The following ANKRD46 variants were observed in gnomAD, a reference collection of about 807,000 sequenced individuals.
ANKRD46 encodes the protein ankyrin repeat domain-containing protein 46.
ANKRD46 carries 13 observed loss-of-function variants against 19.8 expected under a neutral mutation model. That is an observed-to-expected ratio of 0.66 (90% CI 0.43 to 1.04). The LOEUF is 1.04. Ranked by LOEUF, ANKRD46 falls within the 50% of genes least tolerant of loss-of-function variation. ANKRD46 has a pLI of 0.00. For missense variants in ANKRD46, 185 were observed against 274.8 expected, an observed-to-expected ratio of 0.67 and a Z score of 2.31; for synonymous variants, 91 against 106.9, an observed-to-expected ratio of 0.85 and a Z score of 0.92.
At chr8:100,548,466 T>C (rs1812316456) in intron 1 of ANKRD46, among the ~76,000 whole-genome samples, 1 of 152,264 alleles carries the variant, frequency 6.6e-6, no homozygotes, top group Non-Finnish European at 1.5e-5. Flanking sequence ...CTGCTTATTT[T>C]GTTCGTGTTC....
At chr8:100,555,775 TA>T (rs1812487714) in intron 1 of ANKRD46, among the ~76,000 whole-genome samples, 1 of 121,936 alleles carries the variant, frequency 8.2e-6, no homozygotes, top group Admixed American at 9.4e-5. Context: ...TTTCCACATC[TA>T]AAGGACCTGT....
rs974764823 is a variant in ANKRD46, at chr8:100,510,808, G to A, written c.637-169C>T. 3.9e-5 allele frequency among the ~76,000 whole-genome samples: 6 copies of A among 152,118 alleles called. No individual in the cohort carries two copies. The highest frequency in any genetic ancestry group is 1.3e-4 in the Admixed American group (2 of 15,270). On this transcript the variant is annotated intron_variant, in intron 5 of 5. Transcript: ENST00000520552. This position sits in a 1 kb window ranked among gnomAD's most constrained non-coding sequence, Gnocchi z 4.9. Reference sequence around the variant, plus strand: ...CAACGCTCACAGGAAGGGTCCTGCCGCTTCACAACTGTCCTTGGCTTCCTA... The same window carrying A: ...CAACGCTCACAGGAAGGGTCCTGCCACTTCACAACTGTCCTTGGCTTCCTA...
At position 100,529,254 on chromosome 8, in the gene ANKRD46, T is replaced by C. The variant is rs1343956242; in HGVS notation, c.311+269A>G. On this transcript the variant is annotated intron_variant, in intron 3 of 4. Coordinates refer to ENST00000335659, the MANE Select transcript of ANKRD46 (RefSeq NM_001270377.2). This position sits in a 1 kb window ranked among gnomAD's most constrained non-coding sequence, Gnocchi z 5.8. ...CATAGATTTTCAACAAATGTTCTTTTCTTCTTCTTCCCTTGTTGTAACACT... is the reference window on the plus strand; with the variant it reads ...CATAGATTTTCAACAAATGTTCTTTCCTTCTTCTTCCCTTGTTGTAACACT... 6.6e-6 allele frequency among the ~76,000 whole-genome samples: 1 copy of C among 152,258 alleles called. No homozygotes were observed. Among genetic ancestry groups the C allele is most frequent in the Non-Finnish European group, 1.5e-5 (1 of 68,044 alleles).
In ANKRD46 at chr8:100,510,565, C is replaced by G; in HGVS notation, c.*12G>C. 4 of 1,534,716 alleles carry G rather than the reference C, an allele frequency of 2.6e-6. No homozygotes were observed. The highest frequency in any genetic ancestry group is 3.5e-6 in the Non-Finnish European group (4 of 1,146,162). The stretch of plus-strand genomic sequence containing the variant: ...TTCTGAGGCTCAGGAGCACAGGACA[C>G]TGACCTAGAGATTAGATGGCCTGGA... On this transcript the variant is annotated 3_prime_UTR_variant, in exon 6 of 6. Coordinates refer to the ANKRD46 transcript ENST00000520552. The surrounding 1 kb of genome is among the most constrained non-coding windows in gnomAD (Gnocchi z 4.9).
In ANKRD46 at chr8:100,545,548, A is replaced by G. The variant is rs1438568461; in HGVS notation, c.-130-12237T>C. Among the ~76,000 whole-genome samples, 1 of 152,226 alleles carries G rather than the reference A, an allele frequency of 6.6e-6. No individual in the cohort carries two copies. The highest frequency in any genetic ancestry group is 2.4e-5 in the African/African-American group (1 of 41,454). ...TGTGTATCAATTAAACCTTTTGTTTATAAATTACCCAGCCTCAAGTAGTAA... is the reference window on the plus strand; with the variant it reads ...TGTGTATCAATTAAACCTTTTGTTTGTAAATTACCCAGCCTCAAGTAGTAA... On this transcript the variant is annotated intron_variant, in intron 1 of 4. Transcript: ENST00000335659. The surrounding 1 kb of genome is among the most constrained non-coding windows in gnomAD (Gnocchi z 4.7).
At chr8:100,515,868 G>GTTTTTT (rs1371274884), downstream of ANKRD46, among the ~76,000 whole-genome samples, 1 of 147,798 alleles carries the variant, frequency 6.8e-6, no homozygotes, top group Admixed American at 6.8e-5. Flanking sequence ...CCAGTAACTT[G>GTTTTTT]TTTTTGTTTT....
Position 100,532,097 on chromosome 8 carries a change from G to A in ANKRD46, c.-28+1112C>T, listed in dbSNP as rs76198344. ...GGCTGTTAAGAATAATTTCAAATAC[G>A]AAAAAAAGTTTATGATTAAAAACTA... is the stretch of plus-strand genomic sequence containing the variant. On this transcript the variant is annotated intron_variant, in intron 2 of 4. Transcript: ENST00000335659. The surrounding 1 kb of genome is among the most constrained non-coding windows in gnomAD (Gnocchi z 4.7). 0.013 allele frequency among the ~76,000 whole-genome samples: 1,957 copies of A among 151,966 alleles called. 48 individuals are homozygous for A. Among genetic ancestry groups the A allele is most frequent in the African/African-American group, 0.045 (1,861 of 41,470 alleles).
rs530827654 is a variant in ANKRD46 at position 100,545,056 on chromosome 8, G to A, written c.-130-11745C>T. Reference sequence around the variant, plus strand: ...CAGCACTCCAGAGGCTGGGTGTGCTGACTCATGCCTGAAATCCCAGCACTT... The same window carrying A: ...CAGCACTCCAGAGGCTGGGTGTGCTAACTCATGCCTGAAATCCCAGCACTT... On this transcript the variant is annotated intron_variant, in intron 1 of 4. Coordinates refer to ENST00000335659, the MANE Select transcript of ANKRD46 (RefSeq NM_001270377.2). This position sits in a 1 kb window ranked among gnomAD's most constrained non-coding sequence, Gnocchi z 4.7. Among the ~76,000 whole-genome samples, 2 of 152,314 alleles carry A rather than the reference G, an allele frequency of 1.3e-5. No homozygotes were observed. Among genetic ancestry groups the A allele is most frequent in the Non-Finnish European group, 2.9e-5 (2 of 68,032 alleles).
In ANKRD46 at chr8:100,529,606, A is replaced by G. The variant is rs747909489; in HGVS notation, c.228T>C (p.Tyr76=). 1 of 1,614,276 alleles carries G rather than the reference A, an allele frequency of 6.2e-7. No individual in the cohort carries two copies. The highest frequency in any genetic ancestry group is 8.5e-7 in the Non-Finnish European group (1 of 1,180,050). Residue 76 remains tyrosine, a synonymous_variant, in exon 3 of 5, where the codon TAT becomes TAC. Transcript: ENST00000335659. The surrounding 1 kb of genome is among the most constrained non-coding windows in gnomAD (Gnocchi z 5.8). Reference sequence around the variant, plus strand: ...AGAGGTGAAGAGCTGTGTTTCCTTGATAATCTGTGGCCAGAAGATCGGCAC... The same window carrying G: ...AGAGGTGAAGAGCTGTGTTTCCTTGGTAATCTGTGGCCAGAAGATCGGCAC... ...KFGADLLATD[Y]QGNTALHLCG... is the part of the protein sequence containing the mutation.
intron 1 of ANKRD46, chr8:100,556,582 GC>G: frequency 6.6e-6 from 1 of 152,274 alleles, no homozygotes; most frequent in Non-Finnish European, 1.5e-5. Flanking sequence ...CTTCCAAAGA[GC>G]TGTCCATACT....
chr8:100,511,436 T>TTG lies in ANKRD46; in HGVS notation c.637-799_637-798dup, dbSNP rs112670071. On this transcript the variant is annotated intron_variant, in intron 5 of 5. Coordinates refer to the ANKRD46 transcript ENST00000520552. This position sits in a 1 kb window ranked among gnomAD's most constrained non-coding sequence, Gnocchi z 4.1. The stretch of plus-strand genomic sequence containing the variant: ...GGTAAATGGTGAGGTAGACACCAAG[T>TTG]TGTGTGTGTGTGTGTGTGTGTGTGT... Among the ~76,000 whole-genome samples the TTG allele has an allele frequency of 0.024, 3,541 of 148,502 alleles. 98 individuals carry two copies. The highest frequency in any genetic ancestry group is 0.066 in the African/African-American group (2,688 of 40,558).
chr8:100,541,551 T>C (rs1037428778), intron 1 of ANKRD46, among the ~76,000 whole-genome samples: 1 of 152,190 alleles, frequency 6.6e-6, no homozygotes, highest in Non-Finnish European at 1.5e-5. Flanking sequence ...GCCTACTACA[T>C]GCCCATGCTA....
chr8:100,541,646 C>T (rs1812176915), intron 1 of ANKRD46, among the ~76,000 whole-genome samples: 1 of 152,198 alleles, frequency 6.6e-6, no homozygotes, highest in African/African-American at 2.4e-5. Context: ...CAAATAAGGA[C>T]ACTGAGACCA....
At chr8:100,518,507 T>G (rs1811669300), downstream of ANKRD46, among the ~76,000 whole-genome samples, 1 of 152,174 alleles carries the variant, frequency 6.6e-6, no homozygotes, top group South Asian at 2.1e-4. Flanking sequence ...AAGTCGAATC[T>G]TCCCTTAATT....
chr8:100,533,595 T>C lies in ANKRD46; in HGVS notation c.-130-284A>G, dbSNP rs532745045. Among the ~76,000 whole-genome samples, 22 of 152,246 alleles carry C rather than the reference T, an allele frequency of 1.4e-4. 1 individual carries two copies. The highest frequency in any genetic ancestry group is 4.3e-4 in the African/African-American group (18 of 41,538). Reference sequence around the variant, plus strand: ...TTATGTGCCATCACTAAAGAACAAATTGGGCTCCGAAAATTCACTCTCAGT... The same window carrying C: ...TTATGTGCCATCACTAAAGAACAAACTGGGCTCCGAAAATTCACTCTCAGT... On this transcript the variant is annotated intron_variant, in intron 1 of 4. Coordinates refer to ENST00000335659, the MANE Select transcript of ANKRD46 (RefSeq NM_001270377.2).
chr8:100,539,093 G>A (rs1012145236), intron 1 of ANKRD46, among the ~76,000 whole-genome samples: 11 of 152,282 alleles, frequency 7.2e-5, no homozygotes, highest in East Asian at 1.9e-4. Context: ...TTACTGTGAC[G>A]TCAATCTTGA....
At position 100,522,524 on chromosome 8, in the gene ANKRD46, C is replaced by A. The variant is rs1044504; in HGVS notation, c.*31G>T. 2.4e-3 allele frequency: 3,839 copies of A among 1,609,782 alleles called. 8 individuals carry two copies. The highest frequency in any genetic ancestry group is 2.9e-3 in the Non-Finnish European group (3,413 of 1,177,134). On this transcript the variant is annotated 3_prime_UTR_variant, in exon 5 of 5. Transcript: ENST00000335659. ...CAAACATTGGAAGCCAGGAAACAGG[C>A]AATTAATTGCCTCATCTTCCATGAG... is the stretch of plus-strand genomic sequence containing the variant.
chr8:100,552,167 A>G (rs979478419), intron 1 of ANKRD46, among the ~76,000 whole-genome samples: 10 of 151,744 alleles, frequency 6.6e-5, no homozygotes, highest in African/African-American at 1.5e-4. Flanking sequence ...AAAAAAAAAA[A>G]AAAGAAATGT....
chr8:100,550,944 T>G lies in ANKRD46; in HGVS notation c.-131+8767A>C. 1 of 597,474 alleles carries G rather than the reference T, an allele frequency of 1.7e-6. No homozygotes were observed. The highest frequency in any genetic ancestry group is 3.1e-6 in the Non-Finnish European group (1 of 319,660). The allele number at this position is 597,474 out of a possible 1,614,324, so 37.0% of individuals were successfully genotyped here. On this transcript the variant is annotated intron_variant, in intron 1 of 4. Transcript: ENST00000335659. This position sits in a 1 kb window ranked among gnomAD's most constrained non-coding sequence, Gnocchi z 4.4. Reference sequence around the variant, plus strand: ...CCCTCTGACGCCTGCTTCACCACCTTTTTGATGTCATCATATTTGGCAGGT... The same window carrying G: ...CCCTCTGACGCCTGCTTCACCACCTGTTTGATGTCATCATATTTGGCAGGT...
Sources: allele counts gnomAD v4.1 joint callset (sites outside exome capture counted in the v4.1 genomes callset), GRCh38; gene constraint gnomAD v4.1.1; non-coding constraint Gnocchi (gnomAD v3.1); transcripts MANE v1.5; gene names NCBI Gene and HGNC (gene_info 2026-07-23, HGNC 2026-07-21).